The following DHX32 variants were observed in gnomAD, a reference collection of about 807,000 sequenced individuals.
The protein encoded by DHX32 is DEAH-box helicase 32 (putative).
In DHX32, 51 loss-of-function variants were observed where a neutral mutation model predicts 70.0. That is an observed-to-expected ratio of 0.73 (90% confidence interval 0.58 to 0.92). The LOEUF is 0.92. Ranked by LOEUF, DHX32 falls within the 40% of genes least tolerant of loss-of-function variation. The pLI, the probability that DHX32 is intolerant of heterozygous loss-of-function variation, is 0.00. For missense variants in DHX32, 762 were observed against 891.8 expected, an observed-to-expected ratio of 0.85 and a Z score of 1.85; for synonymous variants, 310 against 315.3, an observed-to-expected ratio of 0.98 and a Z score of 0.18.
rs1327909495 is a variant in DHX32, at chr10:125,853,950, A to G, written c.1092+11T>C. 4 of 1,612,398 alleles carry G rather than the reference A, an allele frequency of 2.5e-6. No individual in the cohort carries two copies. Among genetic ancestry groups the G allele is most frequent in the East Asian group, 2.2e-5 (1 of 44,866 alleles). ...ATCAGCAGTCTGTTTAGCCTACTCAATAATAATTACCTTTCTTCTTTCCAC... is the reference window on the plus strand; with the variant it reads ...ATCAGCAGTCTGTTTAGCCTACTCAGTAATAATTACCTTTCTTCTTTCCAC... On this transcript the variant is annotated intron_variant, in intron 4 of 10. Transcript: ENST00000284690.
chr10:125,856,538 G>C (rs920153146), intron 3 of DHX32, among the ~76,000 whole-genome samples: 1 of 152,228 alleles, frequency 6.6e-6, no homozygotes, highest in African/African-American at 2.4e-5. Flanking sequence ...TTCACAGCAG[G>C]TGTGGTGCTA....
exon 1 of DHX32, chr10:125,896,305 G>A (rs1944521390): frequency 6.2e-6 from 1 of 161,980 alleles, no homozygotes; most frequent in Admixed American, 6.7e-5. Context: ...CGGACGCCGC[G>A]GGTCGGCGAC....
Position 125,836,870 on chromosome 10 carries a change from C to CA in DHX32, c.2064-16dup, listed in dbSNP as rs1253740746. 2 of 1,611,314 alleles carry CA rather than the reference C, an allele frequency of 1.2e-6. No homozygotes were observed. Among genetic ancestry groups the CA allele is most frequent in the African/African-American group, 1.3e-5 (1 of 74,812 alleles). ...GCTGCATAAATCTGTTTATTTAAGACAAAAAGATGAGATTATGAGTGGGGA... is the reference window on the plus strand; with the variant it reads ...GCTGCATAAATCTGTTTATTTAAGACAAAAAAGATGAGATTATGAGTGGGGA... On this transcript the variant is annotated splice_polypyrimidine_tract_variant and intron_variant, in intron 10 of 10. Transcript: ENST00000284690.
chr10:125,891,347 C>G (rs1370862806), intron 1 of DHX32, among the ~76,000 whole-genome samples: 1 of 143,282 alleles, frequency 7.0e-6, no homozygotes, highest in African/African-American at 2.5e-5. Flanking sequence ...ATCCATCTCT[C>G]TCTCTCTTTT....
At chr10:125,868,611 GCTTA>G (rs899580495) in intron 1 of DHX32, among the ~76,000 whole-genome samples, 11 of 152,148 alleles carry the variant, frequency 7.2e-5, no homozygotes, top group African/African-American at 2.7e-4. Context: ...TTTACTCAAC[GCTTA>G]CTTTGTTCTA....
chr10:125,849,627 C>A (rs895808719), intron 6 of DHX32, among the ~76,000 whole-genome samples: 4 of 152,188 alleles, frequency 2.6e-5, no homozygotes, highest in African/African-American at 9.7e-5. Context: ...TGGGCAGTGC[C>A]AGTCCTGCCG....
In DHX32 at chr10:125,836,755, T is replaced by C. The variant is rs767417807; in HGVS notation, c.2164A>G (p.Thr722Ala). 1.2e-5 allele frequency: 19 copies of C among 1,614,224 alleles called. 1 individual carries two copies. The South Asian group carries it at 1.3e-4, about 11-fold the overall frequency. ...QVVDHLSPVSTMNKEQQMCET... is the reference protein window; with the variant it reads ...QVVDHLSPVSAMNKEQQMCET... ...CACATTTGCTGTTCCTTATTCATTG[T>C]TGACACAGGGGATAGGTGATCCACT... The change falls in exon 11 of 11, where the codon ACA (threonine) becomes GCA (alanine). Residue 722 changes from threonine to alanine, a missense_variant. Around this residue, in one of 3 missense-constraint regions of DHX32, gnomAD observed 366 missense variants for 402.6 expected, o/e 0.91. Coordinates refer to ENST00000284690, the MANE Select transcript of DHX32 (RefSeq NM_018180.3).
intron 6 of DHX32, 149 bp from the exon 7 acceptor site, chr10:125,842,083 GAAGGAT>G: frequency 9.6e-7 from 1 of 1,039,662 alleles, no homozygotes; most frequent in South Asian, 2.0e-5. Context: ...ACCAGGGAGT[GAAGGAT>G]AGTGATTCTT....
chr10:125,883,518 A>G (rs1455743300), upstream of DHX32, among the ~76,000 whole-genome samples: 1 of 152,200 alleles, frequency 6.6e-6, no homozygotes, highest in Non-Finnish European at 1.5e-5. Context: ...CCACAGCAGC[A>G]TAAACCTTCA....
upstream of DHX32, among the ~76,000 whole-genome samples, chr10:125,883,476 C>A (rs2134076046): frequency 1.3e-5 from 2 of 152,258 alleles, no homozygotes; most frequent in Admixed American, 1.3e-4. Context: ...ACGCCCAAGC[C>A]ACCGGGAAGA....
chr10:125,891,765 T>C (rs1944372481), intron 1 of DHX32, among the ~76,000 whole-genome samples: 1 of 152,270 alleles, frequency 6.6e-6, no homozygotes, highest in Non-Finnish European at 1.5e-5. Flanking sequence ...TCCTCAGGAG[T>C]AGGTACTCTT....
chr10:125,893,792 A>G (rs1213458155), intron 1 of DHX32, among the ~76,000 whole-genome samples: 1 of 152,292 alleles, frequency 6.6e-6, no homozygotes, highest in Non-Finnish European at 1.5e-5. Context: ...CAAAAACAAA[A>G]ATGAAAACTT....
At chr10:125,837,564 C>T (rs1244926964) in intron 10 of DHX32, among the ~76,000 whole-genome samples, 1 of 152,182 alleles carries the variant, frequency 6.6e-6, no homozygotes, top group Non-Finnish European at 1.5e-5. Context: ...GTAGCTGGGA[C>T]TATAGGCGCA....
intron 1 of DHX32, among the ~76,000 whole-genome samples, chr10:125,878,501 G>A (rs1024494810): frequency 6.6e-6 from 1 of 152,036 alleles, no homozygotes; most frequent in African/African-American, 2.4e-5. Flanking sequence ...TGCTTTCTTT[G>A]AGATCTACTC....
intron 3 of DHX32, among the ~76,000 whole-genome samples, chr10:125,856,771 C>A (rs1944150591): frequency 6.6e-6 from 1 of 151,784 alleles, no homozygotes; most frequent in Non-Finnish European, 1.5e-5. Flanking sequence ...CATAGTTAGA[C>A]CCCGTCTCTA....
rs752547962 is a variant in DHX32, at chr10:125,859,756, C to T, written c.696G>A (p.Val232=). The T allele has an allele frequency of 3.1e-6, 5 of 1,614,098 alleles. No individual in the cohort carries two copies. The South Asian group carries it at 4.4e-5, about 14-fold the overall frequency. ...GTTTATTTTTCACTTCTATGACAGG[C>T]ACGTTTCCATAATAAGAATTGAGTT... The part of the protein sequence containing the change: ...ISKLNSYYGN[V]PVIEVKNKHP... Residue 232 remains valine, a synonymous_variant, in exon 3 of 11, where the codon GTG becomes GTA. Coordinates refer to ENST00000284690, the MANE Select transcript of DHX32 (RefSeq NM_018180.3).
chr10:125,841,079 C>G, intron 7 of DHX32, 83 bp from the exon 8 acceptor site: 2 of 1,476,100 alleles, frequency 1.4e-6, no homozygotes. Flanking sequence ...GGGGTCACGA[C>G]TGTTAGTGGC....
At chr10:125,878,453 G>C (rs1036650592) in intron 1 of DHX32, among the ~76,000 whole-genome samples, 2 of 152,018 alleles carry the variant, frequency 1.3e-5, no homozygotes, top group Admixed American at 6.5e-5. Context: ...TTTTTACTTT[G>C]TTTCAGAGAA....
At chr10:125,845,618 A>G (rs1944007545) in intron 6 of DHX32, among the ~76,000 whole-genome samples, 1 of 152,200 alleles carries the variant, frequency 6.6e-6, no homozygotes, top group Admixed American at 6.5e-5. Context: ...TTTCTTCCCA[A>G]TAAGAGCAGA....
Sources: allele counts gnomAD v4.1 joint callset (sites outside exome capture counted in the v4.1 genomes callset), GRCh38; gene constraint gnomAD v4.1.1; regional missense constraint gnomAD v4.1.1; transcripts MANE v1.5; gene names NCBI Gene and HGNC (gene_info 2026-07-23, HGNC 2026-07-21).